Variants in ASB11 observed in about 807,000 individuals in gnomAD.
ASB11 encodes ankyrin repeat and SOCS box protein 11.
Under a neutral mutation model 20.1 loss-of-function variants are expected in ASB11, and 17 were observed. The observed-to-expected ratio is 0.85, with a 90% CI of 0.58 to 1.27. The LOEUF (loss-of-function observed/expected upper bound fraction) is 1.27, where lower values mean the gene tolerates loss of function less well. Among genes scored for constraint, ASB11 ranks in the 50% most tolerant of loss-of-function variants. The probability of loss-of-function intolerance (pLI) is 0.00; values close to 1 mark genes in which losing one functional copy is unlikely to be tolerated. For synonymous variants in ASB11, 107 were observed against 105.6 expected, an observed-to-expected ratio of 1.01 and a Z score of -0.08; for missense variants, 259 against 256.9, an observed-to-expected ratio of 1.01 and a Z score of -0.06.
intron 1 of ASB11, among the ~76,000 whole-genome samples, chrX:15,311,330 G>A (rs1364962204): frequency 1.8e-5 from 2 of 112,548 alleles, no homozygotes; most frequent in Non-Finnish European, 3.8e-5. Flanking sequence ...TGAGCTAAAG[G>A]AGACTGGTGG....
chrX:15,297,522 T>C, intron 3 of ASB11, 52 bp downstream of exon 3: 2 of 992,360 alleles, frequency 2.0e-6, no homozygotes, highest in Admixed American at 3.0e-5. Context: ...TCATTAAACA[T>C]TAACAGATGC....
At chrX:15,314,412 T>C in intron 1 of ASB11, 1 of 1,198,884 alleles carries the variant, frequency 8.3e-7, no homozygotes, top group Non-Finnish European at 1.1e-6. Flanking sequence ...AAGAAATCTC[T>C]TTCCATGGTC....
At chrX:15,304,059 T>G (rs1413218480) in intron 1 of ASB11, among the ~76,000 whole-genome samples, 1 of 112,980 alleles carries the variant, frequency 8.9e-6, no homozygotes, top group Non-Finnish European at 1.9e-5. Context: ...GGTTGTGCTT[T>G]TCATGCACTG....
intron 2 of ASB11, among the ~76,000 whole-genome samples, chrX:15,299,898 C>G (rs1212807704): frequency 4.5e-5 from 5 of 111,331 alleles, no homozygotes; most frequent in African/African-American, 1.6e-4. Context: ...GCCACCATCT[C>G]CTGCCAGATC....
rs1927232378 is a variant in ASB11 at position 15,283,028 on chromosome X, A to ATATACGTATATATATATACGTATATGT, written c.*476_*477insACATATACGTATATATATATACGTATA. On this transcript the variant is annotated 3_prime_UTR_variant, in exon 7 of 7. Coordinates refer to ENST00000480796, the MANE Select transcript of ASB11 (RefSeq NM_080873.3). The stretch of plus-strand genomic sequence containing the variant: ...TATATATATATACGTATATATATAC[A>ATATACGTATATATATATACGTATATGT]AAAAATCAAAATTATACCAGATTTA... 9.2e-6 allele frequency: 1 copy of ATATACGTATATATATATACGTATATGT among 108,693 alleles called. No individual in the cohort carries two copies. Among genetic ancestry groups the ATATACGTATATATATATACGTATATGT allele is most frequent in the African/African-American group, 3.4e-5 (1 of 29,512 alleles). The allele number at this position is 108,693 out of a possible 1,213,427, so 9.0% of individuals were successfully genotyped here. A position where few individuals can be genotyped will look rare whatever the true frequency, so the allele number is the denominator to read the frequency against.
At chrX:15,285,439 A>G (rs1406425395) in intron 6 of ASB11, among the ~76,000 whole-genome samples, 1 of 110,253 alleles carries the variant, frequency 9.1e-6, no homozygotes, top group East Asian at 2.9e-4. Flanking sequence ...GCGCCCAGCC[A>G]GTATTAATCT....
intron 6 of ASB11, among the ~76,000 whole-genome samples, chrX:15,286,663 C>CAAAAAAAAAAAAAAA (rs764801887): frequency 1.8e-5 from 1 of 54,408 alleles, no homozygotes; most frequent in African/African-American, 7.7e-5. Context: ...GACTCCATCT[C>CAAAAAAAAAAAAAAA]AAAAAAAAAA....
At chrX:15,291,264 A>G (rs1037854637) in intron 4 of ASB11, among the ~76,000 whole-genome samples, 3 of 111,747 alleles carry the variant, frequency 2.7e-5, no homozygotes, top group Non-Finnish European at 5.6e-5. Flanking sequence ...TATATGTTTT[A>G]TAGGCACATA....
intron 4 of ASB11, among the ~76,000 whole-genome samples, chrX:15,290,278 CA>C (rs1329887145): frequency 9.0e-6 from 1 of 110,831 alleles, no homozygotes; most frequent in African/African-American, 3.3e-5. Context: ...ATGGAAGTGA[CA>C]AGACCCAGAG....
intron 4 of ASB11, chrX:15,290,097 T>C (rs1927495838): frequency 8.7e-6 from 1 of 114,649 alleles, no homozygotes; most frequent in African/African-American, 3.3e-5. Flanking sequence ...TTTGTGTTTG[T>C]TTTTGGAAAT....
Position 15,282,108 on chromosome X carries a change from A to AAC in ASB11, c.*1395_*1396dup, listed in dbSNP as rs1417805107. ...AATTCTCCCCCAGTTGTTGCAACTA[A>AAC]ACATGTCTGCAGACATTGACAAATG... On this transcript the variant is annotated 3_prime_UTR_variant, in exon 7 of 7. Transcript: ENST00000480796. 1 of 110,930 alleles carries AAC rather than the reference A, an allele frequency of 9.0e-6. No individual in the cohort carries two copies. Among genetic ancestry groups the AAC allele is most frequent in the Non-Finnish European group, 1.9e-5 (1 of 52,968 alleles). 9.1% of individuals were successfully genotyped at this position (110,930 alleles called of 1,213,427 possible). A position where few individuals can be genotyped will look rare whatever the true frequency, so the allele number is the denominator to read the frequency against.
At position 15,294,954 on chromosome X, in the gene ASB11, A is replaced by G. The variant is rs750319989; in HGVS notation, c.370-1634T>C. On this transcript the variant is annotated intron_variant, in intron 3 of 6. Transcript: ENST00000480796. ...CTAATGTTTTGGAAACAATGATAAGACAATTGCCTCTCCTTGAGTGGGCTG... is the reference window on the plus strand; with the variant it reads ...CTAATGTTTTGGAAACAATGATAAGGCAATTGCCTCTCCTTGAGTGGGCTG... Among the ~76,000 whole-genome samples the G allele has an allele frequency of 2.1e-4, 24 of 112,572 alleles. No homozygotes were observed. In the Admixed American group the frequency reaches 2.2e-3, roughly 10 times the overall value.
chrX:15,309,967 C>CAAAAAAAAA (rs60765469), intron 1 of ASB11, among the ~76,000 whole-genome samples: 7 of 15,526 alleles, frequency 4.5e-4, no homozygotes, highest in Admixed American at 1.6e-3. Context: ...GACTCCGTCT[C>CAAAAAAAAA]AAAAAAAAAA....
intron 6 of ASB11, among the ~76,000 whole-genome samples, chrX:15,286,614 G>A (rs188706356): frequency 0.013 from 1,327 of 98,658 alleles, 24 homozygotes; most frequent in African/African-American, 0.049. Context: ...GCAGTGAGCC[G>A]AGATCGCACC....
intron 2 of ASB11, among the ~76,000 whole-genome samples, chrX:15,298,619 G>A (rs1220074247): frequency 9.0e-6 from 1 of 111,504 alleles, no homozygotes; most frequent in Non-Finnish European, 1.9e-5. Flanking sequence ...TGCAGGAGTA[G>A]GGATGTAAGA....
chrX:15,299,080 C>A (rs749183058), intron 2 of ASB11, among the ~76,000 whole-genome samples: 2 of 112,314 alleles, frequency 1.8e-5, no homozygotes, highest in African/African-American at 6.5e-5. Context: ...CTGATTTTAA[C>A]AACTTGGCTC....
At chrX:15,284,332 C>T (rs945300837) in intron 6 of ASB11, among the ~76,000 whole-genome samples, 6 of 109,702 alleles carry the variant, frequency 5.5e-5, no homozygotes, top group African/African-American at 1.7e-4. Context: ...GGACTGAACA[C>T]GCAGGACTCC....
At chrX:15,308,482 A>G (rs1217876383) in intron 1 of ASB11, among the ~76,000 whole-genome samples, 2 of 111,831 alleles carry the variant, frequency 1.8e-5, no homozygotes, top group African/African-American at 6.5e-5. Context: ...CTCTCTAAGC[A>G]GATTTCCAAC....
chrX:15,289,619 C>G lies in ASB11; in HGVS notation c.540G>C (p.Glu180Asp). Residue 180 changes from glutamate (E) to aspartate (D), a missense_variant, in exon 5 of 7, where the codon GAG (glutamate) becomes GAC (aspartate). Glu to Asp is a conservative substitution (Grantham distance 45). Transcript: ENST00000480796. ...AVKRGHRECMEILLANNVNID... is the reference protein window; with the variant it reads ...AVKRGHRECMDILLANNVNID... Reference sequence around the variant, plus strand: ...TGTTAACATTATTTGCCAGCAGGATCTCCATGCACTCTCTGTGACCTGGTG... The same window carrying G: ...TGTTAACATTATTTGCCAGCAGGATGTCCATGCACTCTCTGTGACCTGGTG... The G allele has an allele frequency of 8.3e-7, 1 of 1,209,827 alleles. No homozygotes were observed. Among genetic ancestry groups the G allele is most frequent in the Non-Finnish European group, 1.1e-6 (1 of 894,277 alleles).
Sources: allele counts gnomAD v4.1 joint callset (sites outside exome capture counted in the v4.1 genomes callset), GRCh38; gene constraint gnomAD v4.1.1; transcripts MANE v1.5; gene names NCBI Gene and HGNC (gene_info 2026-07-23, HGNC 2026-07-21).